The following FSD1L variants were observed in gnomAD, a reference collection of about 807,000 sequenced individuals.
The protein encoded by FSD1L is fibronectin type III and SPRY domain containing 1 like, also known as FSD1-like protein.
In FSD1L, 45 loss-of-function variants were observed where a neutral mutation model predicts 71.6. That is an observed-to-expected ratio of 0.63 (90% CI 0.49 to 0.81). The LOEUF (loss-of-function observed/expected upper bound fraction) is 0.81, where lower values mean the gene tolerates loss of function less well. FSD1L is among the 30% of genes least tolerant of loss of function. FSD1L has a pLI of 0.00. For synonymous variants in FSD1L, 197 were observed against 207.2 expected, an observed-to-expected ratio of 0.95 and a Z score of 0.42; for missense variants, 561 against 618.1, an observed-to-expected ratio of 0.91 and a Z score of 0.98.
chr9:105,502,109 G>A lies in FSD1L; in HGVS notation c.587-4290G>A, dbSNP rs187106843. On this transcript the variant is annotated intron_variant, in intron 7 of 13. Transcript: ENST00000481272. The stretch of plus-strand genomic sequence containing the variant: ...GTGCCTTTCTTTAAGAATAGTAAAG[G>A]CTGTTGTCTCTAAGTCAAACTGCTT... 9.2e-3 allele frequency among the ~76,000 whole-genome samples: 1,400 copies of A among 152,080 alleles called. 22 individuals carry two copies. Among genetic ancestry groups the A allele is most frequent in the African/African-American group, 0.032 (1,341 of 41,500 alleles).
chr9:105,524,580 T>G (rs1835387864), intron 10 of FSD1L: 13 of 1,613,802 alleles, frequency 8.1e-6, no homozygotes, highest in Non-Finnish European at 1.1e-5. Flanking sequence ...AGCTCAGTGT[T>G]TTAGCAATCC....
chr9:105,535,634 A>G (rs895837741), intron 12 of FSD1L, among the ~76,000 whole-genome samples: 1 of 152,172 alleles, frequency 6.6e-6, no homozygotes, highest in Non-Finnish European at 1.5e-5. Context: ...CTACCTCTAA[A>G]GAGTGATAGT....
chr9:105,531,920 T>C (rs541115542), intron 10 of FSD1L, among the ~76,000 whole-genome samples: 1 of 152,374 alleles, frequency 6.6e-6, no homozygotes, highest in South Asian at 2.1e-4. Context: ...CTTTTAATGT[T>C]GCATCTAAAA....
In FSD1L at chr9:105,546,716, G is replaced by T. The variant is rs1008648489; in HGVS notation, c.*233G>T. ...AACTGATGATTGAAGAGTAAATGGG[G>T]GAAAAGGCAGTGTTTAATTAACATA... On this transcript the variant is annotated 3_prime_UTR_variant, in exon 14 of 14. Transcript: ENST00000481272. The T allele has an allele frequency of 6.5e-6, 2 of 307,914 alleles. No homozygotes were observed. The highest frequency in any genetic ancestry group is 1.1e-4 in the East Asian group (2 of 18,954). The allele number at this position is 307,914 out of a possible 1,614,324, so 19.1% of individuals were successfully genotyped here.
At chr9:105,477,160 C>T (rs1831859102) in intron 5 of FSD1L, among the ~76,000 whole-genome samples, 1 of 152,032 alleles carries the variant, frequency 6.6e-6, no homozygotes, top group Non-Finnish European at 1.5e-5. Context: ...ACACTTGACA[C>T]AAAATTGAAT....
intron 5 of FSD1L, among the ~76,000 whole-genome samples, chr9:105,478,836 A>G (rs534898301): frequency 6.6e-6 from 1 of 152,308 alleles, no homozygotes; most frequent in Admixed American, 6.5e-5. Context: ...ATTGCAGCCT[A>G]GTTGTATTTG....
upstream of FSD1L, chr9:105,447,899 G>A (rs1300513208): frequency 6.3e-6 from 3 of 479,810 alleles, no homozygotes; most frequent in African/African-American, 2.1e-5. Context: ...TGGGGGAAGG[G>A]AGTGCAGCCT....
chr9:105,446,940 C>T (rs1419283589), upstream of FSD1L, among the ~76,000 whole-genome samples: 1 of 152,120 alleles, frequency 6.6e-6, no homozygotes, highest in African/African-American at 2.4e-5. Flanking sequence ...GAAGAACTTT[C>T]TCAAGCCTAC....
At chr9:105,488,918 C>A (rs888696398) in intron 7 of FSD1L, among the ~76,000 whole-genome samples, 1 of 151,302 alleles carries the variant, frequency 6.6e-6, no homozygotes, top group East Asian at 1.9e-4. Flanking sequence ...TAACACAAAC[C>A]GTGAGGTGAT....
At chr9:105,490,509 A>C (rs992880676) in intron 7 of FSD1L, among the ~76,000 whole-genome samples, 7 of 151,286 alleles carry the variant, frequency 4.6e-5, no homozygotes, top group Non-Finnish European at 8.8e-5. Flanking sequence ...CTTTAGTTTA[A>C]TTAGATCCCA....
At chr9:105,487,068 C>T (rs1466511723) in intron 7 of FSD1L, among the ~76,000 whole-genome samples, 1 of 152,116 alleles carries the variant, frequency 6.6e-6, no homozygotes, top group East Asian at 1.9e-4. Context: ...AGGAAGCATA[C>T]ATATACATTG....
chr9:105,445,747 C>T (rs190728852), upstream of FSD1L, among the ~76,000 whole-genome samples: 263 of 152,300 alleles, frequency 1.7e-3, no homozygotes, highest in African/African-American at 6.0e-3. Context: ...TGTGAAGGAA[C>T]GACCTTTGTG....
intron 6 of FSD1L, among the ~76,000 whole-genome samples, chr9:105,481,581 G>C (rs1832208778): frequency 6.6e-6 from 1 of 151,906 alleles, no homozygotes; most frequent in Non-Finnish European, 1.5e-5. Context: ...GTGAGCCACT[G>C]TGCCCGGCCC....
chr9:105,458,546 C>T (rs537425574), intron 1 of FSD1L, among the ~76,000 whole-genome samples: 2 of 152,190 alleles, frequency 1.3e-5, no homozygotes, highest in East Asian at 1.9e-4. Flanking sequence ...TGGCTGAGTC[C>T]AGGGTTTTTA....
chr9:105,458,635 G>A (rs774252998), intron 1 of FSD1L, among the ~76,000 whole-genome samples: 21 of 152,110 alleles, frequency 1.4e-4, no homozygotes, highest in Non-Finnish European at 2.1e-4. Context: ...ATGGGTGGGC[G>A]TGGAAAAAGC....
At chr9:105,539,414 G>T in intron 13 of FSD1L, 63 bp downstream of exon 13, 1 of 700,404 alleles carries the variant, frequency 1.4e-6, no homozygotes, top group South Asian at 2.2e-5. Flanking sequence ...ACTTTAAGGA[G>T]AATATTCTAT....
intron 13 of FSD1L, among the ~76,000 whole-genome samples, chr9:105,543,481 C>T (rs1274969649): frequency 5.3e-5 from 8 of 151,932 alleles, no homozygotes; most frequent in East Asian, 1.9e-4. Flanking sequence ...ATGTGCACAA[C>T]GTGCAGGTTT....
At chr9:105,494,831 A>C (rs140573274) in intron 7 of FSD1L, among the ~76,000 whole-genome samples, 5,385 of 152,204 alleles carry the variant, frequency 0.035, 132 homozygotes, top group South Asian at 0.088. Flanking sequence ...CGTGAACCGC[A>C]AATGCTGCTG....
At chr9:105,461,732 T>C (rs1200942720) in intron 2 of FSD1L, 117 bp downstream of exon 2, 3 of 628,572 alleles carry the variant, frequency 4.8e-6, no homozygotes, top group African/African-American at 3.6e-5. Flanking sequence ...AGGTAGGCTT[T>C]AGCTGGGAGC....
Sources: allele counts gnomAD v4.1 joint callset (sites outside exome capture counted in the v4.1 genomes callset), GRCh38; gene constraint gnomAD v4.1.1; transcripts MANE v1.5; gene names NCBI Gene and HGNC (gene_info 2026-07-23, HGNC 2026-07-21).